MAPRE2: variants seen among roughly 807,000 people sequenced by gnomAD.
MAPRE2 encodes microtubule-associated protein RP/EB family member 2.
MAPRE2 carries 13 observed loss-of-function variants against 43.2 expected under a neutral mutation model. That is an observed-to-expected ratio of 0.30 (90% CI 0.20 to 0.48). MAPRE2 has a LOEUF of 0.48. Ranked by LOEUF, MAPRE2 falls within the 20% of genes least tolerant of loss-of-function variation. MAPRE2 has a pLI of 0.99. For synonymous variants in MAPRE2, 135 were observed against 148.8 expected, an observed-to-expected ratio of 0.91 and a Z score of 0.68; for missense variants, 161 against 400.2, an observed-to-expected ratio of 0.40 and a Z score of 5.10.
chr18:35,097,310 C>T (rs1362243249), intron 2 of MAPRE2, 136 bp from the exon 3 acceptor site: 9 of 729,556 alleles, frequency 1.2e-5, no homozygotes, highest in South Asian at 6.0e-5. Flanking sequence ...GAGATATAAG[C>T]GCATTGGTAA....
At chr18:35,136,207 C>A (rs1282890041) in intron 6 of MAPRE2, among the ~76,000 whole-genome samples, 1 of 152,170 alleles carries the variant, frequency 6.6e-6, no homozygotes, top group Middle Eastern at 3.2e-3. Flanking sequence ...TGATACGTAA[C>A]TTGGAGCCAC....
At chr18:35,041,301 C>A, upstream of MAPRE2, 1 of 1,405,540 alleles carries the variant, frequency 7.1e-7, no homozygotes, top group South Asian at 1.5e-5. Flanking sequence ...GATGAGTTAG[C>A]GGGTTGCCAT....
chr18:35,106,689 T>C (rs1011064852), intron 4 of MAPRE2, among the ~76,000 whole-genome samples: 2 of 152,186 alleles, frequency 1.3e-5, no homozygotes, highest in Non-Finnish European at 2.9e-5. Flanking sequence ...ATAGTTTGGC[T>C]GTGGCTTCTC....
At chr18:34,985,491 T>A (rs143872514) in intron 1 of MAPRE2, among the ~76,000 whole-genome samples, 5 of 45,614 alleles carry the variant, frequency 1.1e-4, no homozygotes, top group African/African-American at 1.9e-4. Context: ...ATATATATTG[T>A]ATATTATATA....
intron 4 of MAPRE2, among the ~76,000 whole-genome samples, chr18:35,111,068 T>TAAC (rs1909151682): frequency 6.6e-6 from 1 of 152,190 alleles, no homozygotes; most frequent in Non-Finnish European, 1.5e-5. Context: ...GGACTTCATT[T>TAAC]ATCCATATGT....
intron 3 of MAPRE2, among the ~76,000 whole-genome samples, chr18:35,100,512 G>A (rs1232743037): frequency 6.6e-6 from 1 of 152,138 alleles, no homozygotes; most frequent in Non-Finnish European, 1.5e-5. Flanking sequence ...ACATATGCAT[G>A]TGAATGTTCA....
chr18:35,005,068 T>A (rs16966298), intron 1 of MAPRE2, among the ~76,000 whole-genome samples: 3,646 of 152,300 alleles, frequency 0.024, 151 homozygotes, highest in African/African-American at 0.081. Context: ...TAAAACCTGG[T>A]TAAACCTAAG....
intron 4 of MAPRE2, among the ~76,000 whole-genome samples, chr18:35,108,252 G>A (rs1382785152): frequency 1.3e-5 from 2 of 152,124 alleles, no homozygotes; most frequent in African/African-American, 4.8e-5. Context: ...TTAGTTCGCT[G>A]AGGAAGATGG....
chr18:35,136,109 G>A (rs1041512892), intron 6 of MAPRE2, among the ~76,000 whole-genome samples: 2 of 152,208 alleles, frequency 1.3e-5, no homozygotes, highest in African/African-American at 2.4e-5. Flanking sequence ...GTTTTGAGCA[G>A]AAAATCAACA....
At chr18:35,113,323 C>A (rs954526162) in intron 4 of MAPRE2, among the ~76,000 whole-genome samples, 1 of 152,222 alleles carries the variant, frequency 6.6e-6, no homozygotes, top group African/African-American at 2.4e-5. Flanking sequence ...CCAAGGGCTT[C>A]TTCCTAGGAA....
intron 1 of MAPRE2, among the ~76,000 whole-genome samples, chr18:35,042,563 A>G (rs1271063724): frequency 6.6e-6 from 1 of 152,244 alleles, no homozygotes; most frequent in African/African-American, 2.4e-5. Context: ...TAACAATGTA[A>G]TGGAGAATGC....
intron 6 of MAPRE2, among the ~76,000 whole-genome samples, chr18:35,135,767 A>G (rs1667634066): frequency 1.3e-5 from 2 of 152,202 alleles, no homozygotes; most frequent in African/African-American, 4.8e-5. Flanking sequence ...TGCAGGGATG[A>G]TGTACATGGC....
At chr18:35,015,584 T>C (rs1372334903) in intron 2 of MAPRE2, among the ~76,000 whole-genome samples, 1 of 151,652 alleles carries the variant, frequency 6.6e-6, no homozygotes, top group Non-Finnish European at 1.5e-5. Context: ...TTCCTTCTAG[T>C]CCTCATTCAC....
At chr18:34,992,269 A>G (rs1477205746) in intron 1 of MAPRE2, among the ~76,000 whole-genome samples, 1 of 152,252 alleles carries the variant, frequency 6.6e-6, no homozygotes, top group Non-Finnish European at 1.5e-5. Context: ...TATTCAAAAG[A>G]AAACATGAAG....
intron 2 of MAPRE2, among the ~76,000 whole-genome samples, chr18:35,089,774 A>G (rs1908055732): frequency 6.6e-6 from 1 of 152,222 alleles, no homozygotes; most frequent in Non-Finnish European, 1.5e-5. Context: ...TGACCCAGCA[A>G]TTCCAATCCT....
In MAPRE2 at chr18:35,102,118, A is replaced by G; in HGVS notation, c.569A>G (p.Asn190Ser). 1 of 1,608,242 alleles carries G rather than the reference A, an allele frequency of 6.2e-7. No individual in the cohort carries two copies. Among genetic ancestry groups the G allele is most frequent in the Non-Finnish European group, 8.5e-7 (1 of 1,178,120 alleles). Residue 190 changes from asparagine to serine, a missense_variant, in exon 4 of 7, where the codon AAC (asparagine) becomes AGC (serine). By Grantham distance (46) the Asn-to-Ser change is conservative. Around this residue, in one of 2 missense-constraint regions of MAPRE2, gnomAD observed 65 missense variants for 246.9 expected, o/e 0.26. Coordinates refer to ENST00000300249, the MANE Select transcript of MAPRE2 (RefSeq NM_014268.4). ...CCTGACCCTGGTGAACAGATCTTCA[A>G]CCTGCCAAAAAAGTCTCACCATGCA... ...PPPDPGEQIF[N>S]LPKKSHHANS...
chr18:35,022,678 A>G (rs2097042680), intron 2 of MAPRE2, among the ~76,000 whole-genome samples: 1 of 152,204 alleles, frequency 6.6e-6, no homozygotes, highest in Non-Finnish European at 1.5e-5. Context: ...TCTTTACTAG[A>G]TTTCAAGCTT....
At chr18:35,095,298 A>T (rs1369820876) in intron 2 of MAPRE2, among the ~76,000 whole-genome samples, 1 of 151,968 alleles carries the variant, frequency 6.6e-6, no homozygotes, top group Non-Finnish European at 1.5e-5. Context: ...AGTTTCAGAA[A>T]GTTTACATTA....
chr18:34,999,156 C>T (rs892501943), intron 1 of MAPRE2, among the ~76,000 whole-genome samples: 1 of 152,096 alleles, frequency 6.6e-6, no homozygotes, highest in Non-Finnish European at 1.5e-5. Context: ...CATGCATTCT[C>T]CCACATTTCA....
Sources: gnomAD v4.1 joint callset for allele counts (sites outside exome capture counted in the v4.1 genomes callset) on GRCh38, gnomAD v4.1.1 for gene constraint, gnomAD v4.1.1 regional missense constraint, MANE v1.5 for transcripts, NCBI Gene and HGNC (gene_info 2026-07-23, HGNC 2026-07-21) for gene names.